MCF2L2: variants seen among roughly 807,000 people sequenced by gnomAD.
MCF2L2 encodes MCF.2 cell line derived transforming sequence-like 2.
A neutral mutation model predicts 150.2 loss-of-function variants in MCF2L2; 102 were observed. That is an observed-to-expected ratio of 0.68 (90% CI 0.58 to 0.80). The LOEUF (loss-of-function observed/expected upper bound fraction) is 0.80, where lower values mean the gene tolerates loss of function less well. MCF2L2 is among the 30% of genes least tolerant of loss of function. MCF2L2 has a pLI of 0.00. For synonymous variants in MCF2L2, 465 were observed against 491.3 expected, an observed-to-expected ratio of 0.95 and a Z score of 0.71; for missense variants, 1,256 against 1,372.8, an observed-to-expected ratio of 0.91 and a Z score of 1.34.
chr3:183,322,428 C>T (rs1442258662), intron 6 of MCF2L2, among the ~76,000 whole-genome samples: 1 of 152,100 alleles, frequency 6.6e-6, no homozygotes, highest in Non-Finnish European at 1.5e-5. Flanking sequence ...TCCCTGACGA[C>T]CCACCAGATA....
At chr3:183,287,381 A>G (rs1378833040) in intron 14 of MCF2L2, 2 of 152,220 alleles carry the variant, frequency 1.3e-5, no homozygotes, top group Admixed American at 6.5e-5. Context: ...AGGCAGCAGC[A>G]TATGAGCTCA....
At chr3:183,223,233 G>C in intron 20 of MCF2L2, 113 bp downstream of exon 20, 1 of 723,724 alleles carries the variant, frequency 1.4e-6, no homozygotes, top group East Asian at 2.6e-5. Context: ...CAGGATAGAC[G>C]TATCTTCAGC....
At chr3:183,386,681 G>T (rs1028473135) in intron 2 of MCF2L2, among the ~76,000 whole-genome samples, 4 of 152,228 alleles carry the variant, frequency 2.6e-5, no homozygotes, top group Admixed American at 2.0e-4. Context: ...GCTGCTATGA[G>T]TTGAGGCTGA....
intron 13 of MCF2L2, among the ~76,000 whole-genome samples, chr3:183,290,679 G>A (rs1469704949): frequency 5.3e-5 from 8 of 152,018 alleles, no homozygotes; most frequent in Middle Eastern, 3.2e-3. Context: ...GACTACAGGC[G>A]CGCACCACCA....
intron 14 of MCF2L2, among the ~76,000 whole-genome samples, chr3:183,284,634 G>A (rs565473422): frequency 2.4e-4 from 37 of 152,000 alleles, no homozygotes; most frequent in Middle Eastern, 3.4e-3. Context: ...CCTGGGAGGC[G>A]GAAGTTGCAG....
chr3:183,366,952 G>A (rs1436726920), intron 3 of MCF2L2, among the ~76,000 whole-genome samples: 1 of 152,068 alleles, frequency 6.6e-6, no homozygotes, highest in East Asian at 1.9e-4. Flanking sequence ...AAAAAAGAAG[G>A]GCAATTAGAA....
chr3:183,275,971 T>C (rs1298160041), intron 15 of MCF2L2, among the ~76,000 whole-genome samples: 1 of 152,210 alleles, frequency 6.6e-6, no homozygotes, highest in Non-Finnish European at 1.5e-5. Flanking sequence ...TAAAGAACAC[T>C]AAGACTCTTA....
intron 15 of MCF2L2, among the ~76,000 whole-genome samples, chr3:183,255,320 A>G (rs1724943792): frequency 6.6e-6 from 1 of 152,230 alleles, no homozygotes. Flanking sequence ...CTCAAAATAA[A>G]TTTATGGTAG....
intron 5 of MCF2L2, among the ~76,000 whole-genome samples, chr3:183,324,448 T>C (rs1003846389): frequency 6.6e-6 from 1 of 152,230 alleles, no homozygotes; most frequent in African/African-American, 2.4e-5. Context: ...TATGACATTA[T>C]ATTTTTTCAC....
chr3:183,285,734 T>A (rs1451809441), intron 14 of MCF2L2, among the ~76,000 whole-genome samples: 1 of 152,224 alleles, frequency 6.6e-6, no homozygotes, highest in Non-Finnish European at 1.5e-5. Flanking sequence ...TTTCTTTTTT[T>A]TCATCTTCTG....
chr3:183,221,322 G>A (rs1296118248), intron 20 of MCF2L2, among the ~76,000 whole-genome samples: 1 of 152,106 alleles, frequency 6.6e-6, no homozygotes. Flanking sequence ...CTTTTAACCT[G>A]TATTATCTCA....
intron 15 of MCF2L2, chr3:183,253,474 T>A (rs990760113): frequency 6.6e-6 from 1 of 152,316 alleles, no homozygotes; most frequent in Non-Finnish European, 1.5e-5. Flanking sequence ...GACTTGGAGG[T>A]AAAGTCACTG....
intron 27 of MCF2L2, among the ~76,000 whole-genome samples, chr3:183,188,447 TG>T (rs1359067184): frequency 6.6e-6 from 1 of 152,158 alleles, no homozygotes; most frequent in Non-Finnish European, 1.5e-5. Context: ...CTCTGCCTCT[TG>T]GGGGCACTTC....
intron 19 of MCF2L2, 70 bp downstream of exon 19, chr3:183,224,028 C>A: frequency 8.6e-7 from 1 of 1,159,440 alleles, no homozygotes; most frequent in Non-Finnish European, 1.3e-6. Context: ...CCTAGTCCCA[C>A]TTTTGATTTC....
At chr3:183,408,704 G>A (rs1413891310) in intron 1 of MCF2L2, among the ~76,000 whole-genome samples, 3 of 152,210 alleles carry the variant, frequency 2.0e-5, no homozygotes, top group Non-Finnish European at 4.4e-5. Context: ...AATGTGAACT[G>A]ATCTAACAAT....
rs1171053967 is a variant in MCF2L2, at chr3:183,178,128, A to G, written c.*1252T>C. ...AAACTCCAATAAGATAAAGTGAAATAACTATGAAGGTAAATAACTCAGATA... is the reference window on the plus strand; with the variant it reads ...AAACTCCAATAAGATAAAGTGAAATGACTATGAAGGTAAATAACTCAGATA... On this transcript the variant is annotated 3_prime_UTR_variant, in exon 30 of 30. Transcript: ENST00000328913. The G allele has an allele frequency of 6.6e-6, 1 of 152,264 alleles. No individual in the cohort carries two copies. Among genetic ancestry groups the G allele is most frequent in the East Asian group, 1.9e-4 (1 of 5,208 alleles). 9.4% of individuals were successfully genotyped at this position (152,264 alleles called of 1,614,324 possible). A position where few individuals can be genotyped will look rare whatever the true frequency, so the allele number is the denominator to read the frequency against.
At chr3:183,294,864 G>A (rs975411129) in intron 13 of MCF2L2, among the ~76,000 whole-genome samples, 2 of 151,956 alleles carry the variant, frequency 1.3e-5, no homozygotes, top group Non-Finnish European at 2.9e-5. Flanking sequence ...TCCTGACCTC[G>A]TGATCTGCCC....
chr3:183,275,720 C>T (rs1727123594), intron 15 of MCF2L2, among the ~76,000 whole-genome samples: 5 of 152,208 alleles, frequency 3.3e-5, no homozygotes. Flanking sequence ...CTCAAGCAAT[C>T]TTCTCACCTC....
In MCF2L2 at chr3:183,179,119, C is replaced by T; in HGVS notation, c.*261G>A. 1 of 387,954 alleles carries T rather than the reference C, an allele frequency of 2.6e-6. No homozygotes were observed. Among genetic ancestry groups the T allele is most frequent in the Non-Finnish European group, 4.5e-6 (1 of 221,232 alleles). 24.0% of individuals were successfully genotyped at this position (387,954 alleles called of 1,614,324 possible). A position where few individuals can be genotyped will look rare whatever the true frequency, so the allele number is the denominator to read the frequency against. ...TTGCCCGGCTCCGAATATCGAAGTG[C>T]GCGGTCGAGAAGGCGTGGGCTGCGG... is the stretch of plus-strand genomic sequence containing the variant. On this transcript the variant is annotated 3_prime_UTR_variant, in exon 30 of 30. Transcript: ENST00000328913. The surrounding 1 kb of genome is among the most constrained non-coding windows in gnomAD (Gnocchi z 4.2).
Sources: gnomAD v4.1 joint callset for allele counts (sites outside exome capture counted in the v4.1 genomes callset) on GRCh38, gnomAD v4.1.1 for gene constraint, Gnocchi (gnomAD v3.1) non-coding constraint, MANE v1.5 for transcripts, NCBI Gene and HGNC (gene_info 2026-07-23, HGNC 2026-07-21) for gene names.